The following GPT2 variants were observed in gnomAD, a reference collection of about 807,000 sequenced individuals.
GPT2 encodes the protein alanine aminotransferase 2.
In GPT2, 30 loss-of-function variants were observed where a neutral mutation model predicts 56.9. The observed-to-expected ratio is 0.53, with a 90% CI of 0.39 to 0.72. GPT2 has a LOEUF of 0.72. Ranked by LOEUF, GPT2 falls within the 30% of genes least tolerant of loss-of-function variation. The pLI, the probability that GPT2 is intolerant of heterozygous loss-of-function variation, is 0.00. For missense variants in GPT2, 542 were observed against 703.4 expected (o/e 0.77, Z 2.60); for synonymous variants, 271 against 283.1 (o/e 0.96, Z 0.43).
At chr16:46,895,235 C>T (rs182844442) in intron 2 of GPT2, among the ~76,000 whole-genome samples, 24 of 152,126 alleles carry the variant, frequency 1.6e-4, no homozygotes, top group Admixed American at 1.6e-3. Flanking sequence ...TTTTAGGAGA[C>T]AGGGTCAGGC....
chr16:46,923,650 C>T (rs1266505531), intron 9 of GPT2, among the ~76,000 whole-genome samples: 5 of 152,352 alleles, frequency 3.3e-5, no homozygotes, highest in Admixed American at 2.0e-4. Flanking sequence ...GCCACTTGGC[C>T]GGCGGCACCT....
chr16:46,884,562 G>A, intron 1 of GPT2, 95 bp downstream of exon 1: 1 of 977,946 alleles, frequency 1.0e-6, no homozygotes, highest in Admixed American at 4.1e-5. Context: ...CGGGTCGCCG[G>A]GGGATGGGCA....
intron 3 of GPT2, among the ~76,000 whole-genome samples, chr16:46,898,846 G>T (rs934657762): frequency 4.1e-5 from 6 of 146,386 alleles, no homozygotes; most frequent in African/African-American, 1.5e-4. Context: ...CACCATACCT[G>T]GCCTGTTTTA....
chr16:46,884,411 AG>A lies in GPT2; in HGVS notation c.-78del. ...GCGGCTGTGGGCGCCGGGGCCGGGT[AG>A]CTGCTCCAGGCGCGCGAGCTAACCG... On this transcript the variant is annotated 5_prime_UTR_variant, in exon 1 of 12. An upstream open reading frame in the 5' UTR loses its in-frame stop. Coordinates refer to ENST00000340124, the MANE Select transcript of GPT2 (RefSeq NM_133443.4). 4.7e-6 allele frequency: 1 copy of A among 211,252 alleles called. No homozygotes were observed. Among genetic ancestry groups the A allele is most frequent in the Non-Finnish European group, 9.4e-6 (1 of 106,932 alleles). 13.1% of individuals were successfully genotyped at this position (211,252 alleles called of 1,614,324 possible).
intron 6 of GPT2, chr16:46,915,817 ACCC>A (rs934077500): frequency 4.2e-5 from 6 of 141,340 alleles, no homozygotes; most frequent in African/African-American, 1.1e-4. Context: ...CTACACACAC[ACCC>A]CCATCACACC....
rs768172166 is a variant in GPT2 at position 46,900,757 on chromosome 16, C to A, written c.409C>A (p.Arg137=). ...AGAAGATGCTAAGAAACGTGCCCGG[C>A]GGATCCTGCAGGCTTGTGGCGGGAA... The part of the protein sequence containing the change: ...FPEDAKKRAR[R]ILQACGGNSL... Residue 137 remains arginine (R), a synonymous_variant, in exon 4 of 12, where the codon CGG becomes AGG. Coordinates refer to ENST00000340124, the MANE Select transcript of GPT2 (RefSeq NM_133443.4). The A allele has an allele frequency of 4.3e-6, 7 of 1,613,970 alleles. No homozygotes were observed. The highest frequency in any genetic ancestry group is 4.0e-5 in the African/African-American group (3 of 74,936).
At chr16:46,919,051 C>A (rs1356375278) in intron 8 of GPT2, among the ~76,000 whole-genome samples, 2 of 152,210 alleles carry the variant, frequency 1.3e-5, no homozygotes, top group African/African-American at 2.4e-5. Flanking sequence ...CCGAGGTTGA[C>A]TGATGTCTGA....
At chr16:46,916,511 T>G (rs984294890) in intron 6 of GPT2, 117 bp from the exon 7 acceptor site, 1 of 767,148 alleles carries the variant, frequency 1.3e-6, no homozygotes, top group Non-Finnish European at 2.3e-6. Context: ...GCGGGGAGGG[T>G]GTTCTATGGG....
Position 46,916,689 on chromosome 16 carries a change from C to G in GPT2, c.882C>G (p.Leu294=), listed in dbSNP as rs149931787. The change falls in exon 7 of 12, where the codon CTC becomes CTG. Residue 294 remains leucine (L), a synonymous_variant. Transcript: ENST00000340124. ...TCCACTTTGCCTGGGAAGAGAAGCT[C>G]TTTCTCCTGGCTGATGAGGTAAGAA... ...DVIHFAWEEK[L]FLLADEVYQD... 135 of 1,613,140 alleles carry G rather than the reference C, an allele frequency of 8.4e-5. No individual in the cohort carries two copies. The highest frequency in any genetic ancestry group is 1.1e-4 in the Non-Finnish European group (135 of 1,179,206).
At chr16:46,912,618 G>T (rs959644500) in intron 6 of GPT2, among the ~76,000 whole-genome samples, 6 of 152,216 alleles carry the variant, frequency 3.9e-5, no homozygotes, top group Admixed American at 6.5e-5. Flanking sequence ...TTGGTTCACA[G>T]TTCTGCAGAC....
chr16:46,908,858 G>C (rs889858340), intron 5 of GPT2, among the ~76,000 whole-genome samples: 1 of 152,182 alleles, frequency 6.6e-6, no homozygotes, highest in Non-Finnish European at 1.5e-5. Context: ...TGGCATTTTT[G>C]TAGCAAGGAA....
At chr16:46,900,574 C>G in intron 3 of GPT2, 108 bp from the exon 4 acceptor site, 1 of 796,166 alleles carries the variant, frequency 1.3e-6, no homozygotes. Context: ...GAGAGGCTTG[C>G]GTCAGCCCCA....
At chr16:46,886,307 G>A (rs751647213) in intron 2 of GPT2, among the ~76,000 whole-genome samples, 25 of 152,206 alleles carry the variant, frequency 1.6e-4, no homozygotes, top group Non-Finnish European at 2.9e-4. Flanking sequence ...GGATTAACGC[G>A]TTCCTGGTTT....
At chr16:46,921,741 G>T (rs148289782) in intron 8 of GPT2, among the ~76,000 whole-genome samples, 2,680 of 152,204 alleles carry the variant, frequency 0.018, 29 homozygotes, top group Non-Finnish European at 0.029. Context: ...ACAGAACTTG[G>T]CACGGTGACT....
chr16:46,914,172 C>T (rs1295109113), intron 6 of GPT2, among the ~76,000 whole-genome samples: 1 of 152,156 alleles, frequency 6.6e-6, no homozygotes, highest in African/African-American at 2.4e-5. Flanking sequence ...TGCGTTTACT[C>T]CTTCCCTCAC....
chr16:46,908,607 T>C (rs764770820), intron 5 of GPT2, among the ~76,000 whole-genome samples: 17 of 152,174 alleles, frequency 1.1e-4, no homozygotes, highest in Non-Finnish European at 1.6e-4. Flanking sequence ...TTGGAGCCCA[T>C]GGGAAATGGA....
intron 6 of GPT2, 130 bp from the exon 7 acceptor site, chr16:46,916,498 T>C: frequency 1.4e-6 from 1 of 729,062 alleles, no homozygotes; most frequent in South Asian, 1.6e-5. Context: ...GAGGGGGGCC[T>C]CTGCGGGGAG....
In GPT2 at chr16:46,929,403, T is replaced by A; in HGVS notation, c.*406T>A. The A allele has an allele frequency of 4.5e-6, 1 of 223,810 alleles. No individual in the cohort carries two copies. The highest frequency in any genetic ancestry group is 7.1e-5 in the South Asian group (1 of 14,010). 13.9% of individuals were successfully genotyped at this position (223,810 alleles called of 1,614,324 possible). A position where few individuals can be genotyped will look rare whatever the true frequency, so the allele number is the denominator to read the frequency against. On this transcript the variant is annotated 3_prime_UTR_variant, in exon 12 of 12. Transcript: ENST00000340124. ...GGCTGGAAATCCAAACTCACCACCA[T>A]GATCTGTGAAATAAAGCCCTTAGCG...
Position 46,896,963 on chromosome 16 carries a change from C to A in GPT2, c.244-685C>A, listed in dbSNP as rs539048846. Among the ~76,000 whole-genome samples, 4 of 152,312 alleles carry A rather than the reference C, an allele frequency of 2.6e-5. No individual in the cohort carries two copies. The South Asian group carries it at 8.3e-4, about 32-fold the overall frequency. ...CTGTAACCCCAACACTTTGGGAGGC[C>A]AAGGCGGAGGATCGCCTGAGCCCAG... On this transcript the variant is annotated intron_variant, in intron 2 of 11. Coordinates refer to ENST00000340124, the MANE Select transcript of GPT2 (RefSeq NM_133443.4).
Sources: gnomAD v4.1 joint callset for allele counts (sites outside exome capture counted in the v4.1 genomes callset) on GRCh38, gnomAD v4.1.1 for gene constraint, MANE v1.5 for transcripts, NCBI Gene and HGNC (gene_info 2026-07-23, HGNC 2026-07-21) for gene names.